The following PUDP variants were observed in gnomAD, a reference collection of about 807,000 sequenced individuals.
The protein encoded by PUDP is pseudouridine 5'-phosphatase.
A neutral mutation model predicts 9.4 loss-of-function variants in PUDP; 8 were observed. The observed-to-expected ratio is 0.85, with a 90% CI of 0.50 to 1.53. The LOEUF is 1.53. PUDP is among the 40% of genes most tolerant of loss of function. PUDP has a pLI of 0.00. For missense variants in PUDP, 188 were observed against 189.7 expected, an observed-to-expected ratio of 0.99 and a Z score of 0.05; for synonymous variants, 99 against 80.7, an observed-to-expected ratio of 1.23 and a Z score of -1.22.
intron 3 of PUDP, among the ~76,000 whole-genome samples, chrX:6,861,398 C>T (rs1214262064): frequency 8.9e-6 from 1 of 111,841 alleles, no homozygotes; most frequent in African/African-American, 3.2e-5. Context: ...GTATGGGACT[C>T]ATGGTTTCTC....
At chrX:6,753,496 G>T (rs1925131921) in intron 3 of PUDP, among the ~76,000 whole-genome samples, 1 of 111,529 alleles carries the variant, frequency 9.0e-6, no homozygotes, top group Admixed American at 9.5e-5. Context: ...ACCAATAGTG[G>T]GATTGCTTGA....
At chrX:7,033,710 G>A (rs957488290) in intron 1 of PUDP, among the ~76,000 whole-genome samples, 2 of 111,348 alleles carry the variant, frequency 1.8e-5, no homozygotes, top group African/African-American at 3.3e-5. Context: ...TGCCAAAGGT[G>A]GTGATGACAA....
intron 3 of PUDP, among the ~76,000 whole-genome samples, chrX:6,924,615 G>A (rs1928073770): frequency 8.9e-6 from 1 of 111,965 alleles, no homozygotes; most frequent in South Asian, 3.8e-4. Context: ...GCGGGACTCT[G>A]GATACACCAC....
chrX:6,844,454 G>T (rs1926714483), intron 3 of PUDP, among the ~76,000 whole-genome samples: 1 of 112,226 alleles, frequency 8.9e-6, no homozygotes, highest in South Asian at 3.7e-4. Context: ...TTCTAACGGG[G>T]AAAATGGTGT....
chrX:7,085,454 G>C (rs1931234685), intron 2 of PUDP: 1 of 112,147 alleles, frequency 8.9e-6, no homozygotes, highest in Admixed American at 9.4e-5. Context: ...AGCTGTTGCT[G>C]TGTGAAGAGC....
At chrX:6,779,878 G>A (rs1292297815) in intron 3 of PUDP, among the ~76,000 whole-genome samples, 1 of 111,052 alleles carries the variant, frequency 9.0e-6, no homozygotes, top group Non-Finnish European at 1.9e-5. Context: ...AGTGAGCTAT[G>A]TTCACGCCAC....
intron 3 of PUDP, among the ~76,000 whole-genome samples, chrX:6,954,556 G>C (rs1188941622): frequency 2.7e-5 from 3 of 111,587 alleles, no homozygotes; most frequent in Non-Finnish European, 5.6e-5. Context: ...AGGCTGGCTT[G>C]CTTCTCACAA....
At chrX:6,984,875 G>A (rs141539272) in intron 1 of PUDP, among the ~76,000 whole-genome samples, 1,781 of 111,749 alleles carry the variant, frequency 0.016, 42 homozygotes, top group African/African-American at 0.054. Context: ...ACCAAAATTA[G>A]GTGATTCAAT....
At chrX:7,091,108 G>C (rs1285513678) in intron 2 of PUDP, among the ~76,000 whole-genome samples, 1 of 111,781 alleles carries the variant, frequency 8.9e-6, no homozygotes, top group African/African-American at 3.3e-5. Context: ...ATCGTCAGGA[G>C]CCTCCTGTCC....
intron 1 of PUDP, among the ~76,000 whole-genome samples, chrX:6,992,499 C>T (rs1407886128): frequency 9.2e-6 from 1 of 108,674 alleles, no homozygotes; most frequent in East Asian, 2.9e-4. Flanking sequence ...GTCTCCATCT[C>T]CTGACCTCAT....
At chrX:6,986,810 G>A (rs1414382434) in intron 1 of PUDP, among the ~76,000 whole-genome samples, 1 of 112,180 alleles carries the variant, frequency 8.9e-6, no homozygotes, top group Non-Finnish European at 1.9e-5. Context: ...TGATAAAAAG[G>A]AGCAAGTATG....
intron 3 of PUDP, among the ~76,000 whole-genome samples, chrX:6,870,570 T>C: frequency 8.9e-6 from 1 of 112,361 alleles, no homozygotes; most frequent in Non-Finnish European, 1.9e-5. Flanking sequence ...CGATTAAATC[T>C]TTCTTTTGTA....
At chrX:6,946,892 C>T (rs1371552653) in intron 3 of PUDP, among the ~76,000 whole-genome samples, 1 of 110,827 alleles carries the variant, frequency 9.0e-6, no homozygotes, top group African/African-American at 3.3e-5. Context: ...TAGGTATTTT[C>T]TAGGTGTAAA....
At chrX:6,862,950 A>G in intron 3 of PUDP, among the ~76,000 whole-genome samples, 1 of 112,127 alleles carries the variant, frequency 8.9e-6, no homozygotes, top group Non-Finnish European at 1.9e-5. Context: ...ACCTCATTTT[A>G]AAAAGTAAAA....
chrX:7,146,320 G>A (rs1159412518), intron 1 of PUDP, among the ~76,000 whole-genome samples: 6 of 111,959 alleles, frequency 5.4e-5, no homozygotes, highest in African/African-American at 9.7e-5. Context: ...AGCTCATTTA[G>A]AAGTTTAATA....
chrX:6,977,979 C>T (rs947814480), intron 2 of PUDP, among the ~76,000 whole-genome samples: 4 of 112,209 alleles, frequency 3.6e-5, no homozygotes, highest in African/African-American at 1.3e-4. Flanking sequence ...TCACATGGTC[C>T]AGCCCTGCTA....
intron 3 of PUDP, among the ~76,000 whole-genome samples, chrX:6,867,496 G>A (rs1927105597): frequency 9.0e-6 from 1 of 110,531 alleles, no homozygotes; most frequent in African/African-American, 3.3e-5. Flanking sequence ...AGTGATGATG[G>A]TGGTGATGTT....
chrX:7,013,192 G>C (rs771297130), intron 1 of PUDP, among the ~76,000 whole-genome samples: 4 of 112,087 alleles, frequency 3.6e-5, no homozygotes, highest in Non-Finnish European at 5.6e-5. Context: ...GCTAACAAAA[G>C]CTTCTTTTTT....
At chrX:6,771,212 C>A (rs895753545) in intron 3 of PUDP, among the ~76,000 whole-genome samples, 3 of 111,826 alleles carry the variant, frequency 2.7e-5, no homozygotes, top group African/African-American at 9.8e-5. Context: ...AAACGTGCCA[C>A]CTAGAAGTCT....
Sources: gnomAD v4.1 joint callset for allele counts (sites outside exome capture counted in the v4.1 genomes callset) on GRCh38, gnomAD v4.1.1 for gene constraint, MANE v1.5 for transcripts, NCBI Gene and HGNC (gene_info 2026-07-23, HGNC 2026-07-21) for gene names.